ADGRL3: variants seen among roughly 807,000 people sequenced by gnomAD.
ADGRL3 encodes adhesion G protein-coupled receptor L3.
In ADGRL3, 62 loss-of-function variants were observed where a neutral mutation model predicts 153.5. The ratio of observed to expected loss-of-function variants is 0.40; its 90% CI spans 0.33 to 0.50. The LOEUF (loss-of-function observed/expected upper bound fraction) is 0.50, where lower values mean the gene tolerates loss of function less well. Ranked by LOEUF, ADGRL3 falls within the 20% of genes least tolerant of loss-of-function variation. The probability of loss-of-function intolerance (pLI) is 0.47; values close to 1 mark genes in which losing one functional copy is unlikely to be tolerated. For synonymous variants in ADGRL3, 710 were observed against 672.5 expected, an observed-to-expected ratio of 1.06 and a Z score of -0.86; for missense variants, 1,641 against 1,859.4, an observed-to-expected ratio of 0.88 and a Z score of 2.16.
intron 9 of ADGRL3, among the ~76,000 whole-genome samples, chr4:61,815,671 C>A (rs1387836901): frequency 6.6e-6 from 1 of 152,184 alleles, no homozygotes; most frequent in Non-Finnish European, 1.5e-5. Context: ...ATCATCAGTG[C>A]AACTGCATTA....
intron 2 of ADGRL3, among the ~76,000 whole-genome samples, chr4:61,389,784 G>A (rs2096781479): frequency 6.6e-6 from 1 of 152,100 alleles, no homozygotes; most frequent in South Asian, 2.1e-4. Flanking sequence ...GAATCTGTCA[G>A]CTGTATATAG....
At chr4:61,920,759 A>AAAGGAT (rs2098765078) in intron 13 of ADGRL3, among the ~76,000 whole-genome samples, 1 of 152,200 alleles carries the variant, frequency 6.6e-6, no homozygotes, top group Non-Finnish European at 1.5e-5. Context: ...GGAAGAAGGA[A>AAAGGAT]AAGGATAAGT....
chr4:61,729,645 TCTC>T (rs1342901588), intron 6 of ADGRL3, among the ~76,000 whole-genome samples: 1 of 151,910 alleles, frequency 6.6e-6, no homozygotes, highest in Non-Finnish European at 1.5e-5. Flanking sequence ...TCCCTGACAT[TCTC>T]CTCTTTTTTC....
intron 9 of ADGRL3, among the ~76,000 whole-genome samples, chr4:61,867,515 C>CATATATATATATATATATATATATAT (rs3065826): frequency 0.021 from 1,721 of 80,068 alleles, 111 homozygotes; most frequent in Non-Finnish European, 0.033. Context: ...AATATATATG[C>CATATATATATATATATATATATATAT]ATATATATAT....
intron 4 of ADGRL3, among the ~76,000 whole-genome samples, chr4:61,550,314 G>A (rs955569649): frequency 1.3e-4 from 20 of 151,892 alleles, no homozygotes; most frequent in African/African-American, 4.8e-4. Flanking sequence ...AGGTTTAAAA[G>A]GCTACCTAGA....
At chr4:61,685,026 C>A (rs751856510) in intron 6 of ADGRL3, among the ~76,000 whole-genome samples, 5 of 151,966 alleles carry the variant, frequency 3.3e-5, no homozygotes, top group Non-Finnish European at 7.4e-5. Context: ...AATTCTCCCC[C>A]TCAGCCTCCC....
intron 6 of ADGRL3, among the ~76,000 whole-genome samples, chr4:61,727,399 A>T (rs930537961): frequency 6.6e-6 from 1 of 152,186 alleles, no homozygotes; most frequent in African/African-American, 2.4e-5. Context: ...GAAATTAAAA[A>T]TGTAGAGAGA....
At chr4:61,423,886 A>G (rs1289394660) in intron 2 of ADGRL3, among the ~76,000 whole-genome samples, 2 of 152,216 alleles carry the variant, frequency 1.3e-5, no homozygotes, top group Non-Finnish European at 2.9e-5. Flanking sequence ...AAAAACATTT[A>G]AAGGTGAGTT....
Position 61,969,596 on chromosome 4 carries a change from A to C in ADGRL3, c.2806-9967A>C, listed in dbSNP as rs1471024438. Among the ~76,000 whole-genome samples, 8 of 152,288 alleles carry C rather than the reference A, an allele frequency of 5.3e-5. No homozygotes were observed. In the East Asian group the frequency reaches 1.5e-3, roughly 29 times the overall value. On this transcript the variant is annotated intron_variant, in intron 17 of 26. Coordinates refer to ENST00000683033, the MANE Select transcript of ADGRL3 (RefSeq NM_001387552.1). ...CACTGAACTGTAAGAAAACATGGTCACAATATTCACAATATAAAAATTAAA... is the reference window on the plus strand; with the variant it reads ...CACTGAACTGTAAGAAAACATGGTCCCAATATTCACAATATAAAAATTAAA...
chr4:61,548,020 CTTG>C (rs1482426989), intron 4 of ADGRL3, among the ~76,000 whole-genome samples: 1 of 151,388 alleles, frequency 6.6e-6, no homozygotes, highest in African/African-American at 2.4e-5. Context: ...TTTTCATATG[CTTG>C]TTGATGATTA....
intron 1 of ADGRL3, among the ~76,000 whole-genome samples, chr4:61,366,109 G>T (rs1483104043): frequency 1.3e-5 from 2 of 150,566 alleles, no homozygotes; most frequent in Non-Finnish European, 3.0e-5. Context: ...TTAGTTTTAG[G>T]GAAAATTTCT....
chr4:61,885,828 G>A (rs570218945), intron 9 of ADGRL3, among the ~76,000 whole-genome samples: 1 of 152,240 alleles, frequency 6.6e-6, no homozygotes, highest in African/African-American at 2.4e-5. Flanking sequence ...AAATGAAGAT[G>A]AGTATGCTTA....
intron 6 of ADGRL3, among the ~76,000 whole-genome samples, chr4:61,711,978 C>G (rs2096001223): frequency 6.6e-6 from 1 of 151,712 alleles, no homozygotes; most frequent in East Asian, 2.0e-4. Flanking sequence ...GCTTTAAACA[C>G]TATCAGGGAA....
chr4:61,838,585 T>A (rs564642505), intron 9 of ADGRL3, among the ~76,000 whole-genome samples: 1 of 152,302 alleles, frequency 6.6e-6, no homozygotes, highest in East Asian at 1.9e-4. Context: ...AATAAAGATG[T>A]ACATGTCTAA....
intron 6 of ADGRL3, among the ~76,000 whole-genome samples, chr4:61,688,597 T>G (rs1367938659): frequency 6.6e-6 from 1 of 152,136 alleles, no homozygotes; most frequent in Non-Finnish European, 1.5e-5. Flanking sequence ...ATACACCTAT[T>G]GCATGCCACT....
chr4:61,344,528 T>C (rs540558803), intron 1 of ADGRL3, among the ~76,000 whole-genome samples: 34 of 152,294 alleles, frequency 2.2e-4, no homozygotes, highest in Middle Eastern at 3.4e-3. Context: ...AAAAGAACTT[T>C]CAAATTTAGG....
intron 1 of ADGRL3, among the ~76,000 whole-genome samples, chr4:61,378,084 C>T (rs1194258481): frequency 1.3e-5 from 2 of 151,626 alleles, no homozygotes; most frequent in African/African-American, 4.8e-5. Flanking sequence ...TTTATATTTA[C>T]TAAGATTTGT....
intron 2 of ADGRL3, among the ~76,000 whole-genome samples, chr4:61,457,871 T>C (rs1445363001): frequency 6.6e-6 from 1 of 151,462 alleles, no homozygotes; most frequent in African/African-American, 2.4e-5. Context: ...GATAGATAGA[T>C]AGATAGATAG....
intron 1 of ADGRL3, among the ~76,000 whole-genome samples, chr4:61,330,628 C>T (rs1030663041): frequency 6.6e-6 from 1 of 152,102 alleles, no homozygotes; most frequent in Non-Finnish European, 1.5e-5. Flanking sequence ...CAGACCTTCA[C>T]GGTGAGTGTT....
Sources: gnomAD v4.1 joint callset for allele counts (sites outside exome capture counted in the v4.1 genomes callset) on GRCh38, gnomAD v4.1.1 for gene constraint, MANE v1.5 for transcripts, NCBI Gene and HGNC (gene_info 2026-07-23, HGNC 2026-07-21) for gene names.